Variants in NBEA observed in about 807,000 individuals in gnomAD.
The protein encoded by NBEA is neurobeachin.
Under a neutral mutation model 343.4 loss-of-function variants are expected in NBEA, and 44 were observed. That is an observed-to-expected ratio of 0.13 (90% confidence interval 0.10 to 0.16). NBEA has a LOEUF of 0.16. Ranked by LOEUF, NBEA falls within the 10% of genes least tolerant of loss-of-function variation. The pLI is 1.00. For missense variants in NBEA, 2,555 were observed against 3,631.3 expected, an observed-to-expected ratio of 0.70 and a Z score of 7.62; for synonymous variants, 1,175 against 1,238.7, an observed-to-expected ratio of 0.95 and a Z score of 1.08.
intron 31 of NBEA, among the ~76,000 whole-genome samples, chr13:35,206,759 T>C (rs2073424253): frequency 6.6e-6 from 1 of 152,106 alleles, no homozygotes; most frequent in Non-Finnish European, 1.5e-5. Context: ...GAGGTAGCAT[T>C]AGTCTTACGA....
chr13:35,513,938 C>A (rs906089000), intron 41 of NBEA, among the ~76,000 whole-genome samples: 1 of 151,914 alleles, frequency 6.6e-6, no homozygotes, highest in Non-Finnish European at 1.5e-5. Context: ...TTTGTCATAA[C>A]TATTTGTAAC....
In NBEA at chr13:35,639,336, G is replaced by A. The variant is rs927251758; in HGVS notation, c.7618-6533G>A. ...GCTCCTGTTTTTCCAGCATTAAAAA[G>A]TAATGCTTTATATGATCTTGTTTTA... On this transcript the variant is annotated intron_variant, in intron 49 of 58. Coordinates refer to ENST00000379939, the MANE Select transcript of NBEA (RefSeq NM_001385012.1). Among the ~76,000 whole-genome samples, 9 of 152,118 alleles carry A rather than the reference G, an allele frequency of 5.9e-5. No individual in the cohort carries two copies. The South Asian group carries it at 1.9e-3, about 31-fold the overall frequency.
At chr13:34,945,104 A>T (rs2059149375) in intron 1 of NBEA, among the ~76,000 whole-genome samples, 2 of 152,200 alleles carry the variant, frequency 1.3e-5, no homozygotes, top group African/African-American at 4.8e-5. Flanking sequence ...GCTTAGAGTC[A>T]CTAGAAATAA....
At chr13:35,647,572 T>A (rs2084296173) in intron 51 of NBEA, among the ~76,000 whole-genome samples, 1 of 152,116 alleles carries the variant, frequency 6.6e-6, no homozygotes, top group Admixed American at 6.5e-5. Context: ...AAATGCTTTT[T>A]GTTGTTGTTG....
At chr13:35,380,178 C>A (rs574241509) in intron 38 of NBEA, among the ~76,000 whole-genome samples, 1 of 151,810 alleles carries the variant, frequency 6.6e-6, no homozygotes, top group Non-Finnish European at 1.5e-5. Context: ...GGCACGGTGG[C>A]TCACACCTGT....
chr13:35,070,585 A>T, intron 9 of NBEA, 134 bp from the exon 10 acceptor site: 1 of 808,668 alleles, frequency 1.2e-6, no homozygotes, highest in Non-Finnish European at 1.7e-6. Flanking sequence ...TTATATGTGT[A>T]TAAAAATTAT....
intron 1 of NBEA, among the ~76,000 whole-genome samples, chr13:35,031,467 C>A (rs2152549556): frequency 6.6e-6 from 1 of 151,718 alleles, no homozygotes; most frequent in Non-Finnish European, 1.5e-5. Flanking sequence ...TTTCATGATA[C>A]TTCAGAGGTA....
Position 35,580,309 on chromosome 13 carries a change from T to A in NBEA, c.7036-3589T>A, listed in dbSNP as rs372792944. On this transcript the variant is annotated intron_variant, in intron 45 of 58. Transcript: ENST00000379939. ...AGTCACTGTATCCAAATGCCCACTGTTTGACAGAAAAGGACACTATTTATT... is the reference window on the plus strand; with the variant it reads ...AGTCACTGTATCCAAATGCCCACTGATTGACAGAAAAGGACACTATTTATT... Among the ~76,000 whole-genome samples the A allele has an allele frequency of 1.2e-3, 183 of 152,210 alleles. 1 individual carries two copies. In the South Asian group the frequency reaches 0.035, roughly 29 times the overall value.
chr13:35,629,856 AAAAG>A (rs1402222230), intron 49 of NBEA, among the ~76,000 whole-genome samples: 1 of 152,204 alleles, frequency 6.6e-6, no homozygotes, highest in Non-Finnish European at 1.5e-5. Context: ...GAATCAGAAA[AAAAG>A]AAAACAGTTG....
Position 35,070,577 on chromosome 13 carries a change from A to G in NBEA, c.1438-142A>G, listed in dbSNP as rs908057456. The stretch of plus-strand genomic sequence containing the variant: ...GCAAAGGTATTCACTTTTTTGTCTT[A>G]TATGTGTATAAAAATTATAATTGAA... On this transcript the variant is annotated intron_variant, in intron 9 of 58. Coordinates refer to ENST00000379939, the MANE Select transcript of NBEA (RefSeq NM_001385012.1). The G allele has an allele frequency of 4.1e-6, 3 of 725,306 alleles. No homozygotes were observed. In the African/African-American group the frequency reaches 5.4e-5, roughly 13 times the overall value. The allele number at this position is 725,306 out of a possible 1,614,324, so 44.9% of individuals were successfully genotyped here. A position where few individuals can be genotyped will look rare whatever the true frequency, so the allele number is the denominator to read the frequency against.
chr13:35,129,235 G>A (rs2067287204), intron 17 of NBEA, among the ~76,000 whole-genome samples: 1 of 152,006 alleles, frequency 6.6e-6, no homozygotes, highest in East Asian at 1.9e-4. Context: ...TTAGAAAAGT[G>A]ATGAGTGTAA....
At chr13:35,181,983 T>C (rs1296829005) in intron 28 of NBEA, among the ~76,000 whole-genome samples, 1 of 151,718 alleles carries the variant, frequency 6.6e-6, no homozygotes, top group Non-Finnish European at 1.5e-5. Context: ...TCAGTTATAG[T>C]ATATAAAACC....
At chr13:35,445,129 G>A (rs1229235818) in intron 39 of NBEA, among the ~76,000 whole-genome samples, 1 of 152,042 alleles carries the variant, frequency 6.6e-6, no homozygotes, top group Non-Finnish European at 1.5e-5. Flanking sequence ...ATGTTGGATA[G>A]GCATTGTGCC....
At chr13:35,434,392 C>T (rs1173321818) in intron 39 of NBEA, among the ~76,000 whole-genome samples, 4 of 152,016 alleles carry the variant, frequency 2.6e-5, no homozygotes, top group Admixed American at 6.6e-5. Context: ...TCATAAGCAA[C>T]GTTCAGAACC....
chr13:35,195,082 G>A (rs535122462), intron 30 of NBEA, among the ~76,000 whole-genome samples: 217 of 152,002 alleles, frequency 1.4e-3, no homozygotes, highest in Non-Finnish European at 1.7e-3. Context: ...AATGATCTTC[G>A]ATTATCTTGA....
chr13:35,433,442 T>C (rs2045243991), intron 39 of NBEA, among the ~76,000 whole-genome samples: 1 of 152,036 alleles, frequency 6.6e-6, no homozygotes, highest in African/African-American at 2.4e-5. Flanking sequence ...AGTTGATAAA[T>C]AGTATTATAT....
intron 48 of NBEA, among the ~76,000 whole-genome samples, chr13:35,616,167 C>T (rs545428892): frequency 1.4e-3 from 219 of 152,294 alleles, no homozygotes; most frequent in African/African-American, 5.0e-3. Context: ...AAGTGCTTTT[C>T]TAACTAACCA....
At chr13:35,388,338 G>A (rs2042347491) in intron 38 of NBEA, among the ~76,000 whole-genome samples, 1 of 152,018 alleles carries the variant, frequency 6.6e-6, no homozygotes, top group South Asian at 2.1e-4. Context: ...AATTTTTAGT[G>A]TTAAGCAACA....
intron 33 of NBEA, among the ~76,000 whole-genome samples, chr13:35,222,303 T>C (rs1428687029): frequency 2.0e-5 from 3 of 152,080 alleles, no homozygotes; most frequent in African/African-American, 7.2e-5. Context: ...TAGTGAAGGG[T>C]TTTGATGGTA....
Sources: allele counts gnomAD v4.1 joint callset (sites outside exome capture counted in the v4.1 genomes callset), GRCh38; gene constraint gnomAD v4.1.1; transcripts MANE v1.5; gene names NCBI Gene and HGNC (gene_info 2026-07-23, HGNC 2026-07-21).